Variants in MGMT observed in about 807,000 individuals in gnomAD.
MGMT encodes the protein methylated-DNA--protein-cysteine methyltransferase.
A neutral mutation model predicts 15.9 loss-of-function variants in MGMT; 14 were observed. The ratio of observed to expected loss-of-function variants is 0.88; its 90% CI spans 0.58 to 1.37. The LOEUF is 1.37. Among genes scored for constraint, MGMT ranks in the 40% most tolerant of loss-of-function variants. MGMT has a pLI of 0.00. For missense variants in MGMT, 282 were observed against 268.1 expected (o/e 1.05, Z -0.36); for synonymous variants, 130 against 118.2 (o/e 1.10, Z -0.65).
chr10:129,668,178 C>G (rs1303803252), intron 2 of MGMT, among the ~76,000 whole-genome samples: 1 of 151,920 alleles, frequency 6.6e-6, no homozygotes, highest in Non-Finnish European at 1.5e-5. Context: ...ACATATTCTC[C>G]TATGTTTTAT....
At chr10:129,756,941 C>G (rs1477606889) in intron 3 of MGMT, among the ~76,000 whole-genome samples, 1 of 152,214 alleles carries the variant, frequency 6.6e-6, no homozygotes, top group Non-Finnish European at 1.5e-5. Flanking sequence ...GCAAGGATTG[C>G]CCTTCTTCAA....
chr10:129,531,209 GTCTT>G (rs1157884997), intron 1 of MGMT, among the ~76,000 whole-genome samples: 1 of 152,140 alleles, frequency 6.6e-6, no homozygotes, highest in Non-Finnish European at 1.5e-5. Context: ...GGAGTCAGAC[GTCTT>G]TCTTCCTGGG....
At chr10:129,737,065 T>C (rs1435117104) in intron 3 of MGMT, among the ~76,000 whole-genome samples, 4 of 151,984 alleles carry the variant, frequency 2.6e-5, no homozygotes, top group Non-Finnish European at 5.9e-5. Flanking sequence ...AGGAGTATCT[T>C]TGTGGCATTC....
At chr10:129,682,723 T>TG (rs1420727161) in intron 2 of MGMT, among the ~76,000 whole-genome samples, 1 of 152,220 alleles carries the variant, frequency 6.6e-6, no homozygotes, top group Admixed American at 6.5e-5. Context: ...TTCCTGGTTT[T>TG]GGTAACGCAT....
chr10:129,632,452 A>C (rs1269391264), intron 2 of MGMT, among the ~76,000 whole-genome samples: 2 of 150,072 alleles, frequency 1.3e-5, no homozygotes, highest in Non-Finnish European at 3.0e-5. Flanking sequence ...GGGTATTTTC[A>C]CGTGAGACTT....
At chr10:129,685,606 A>G (rs1481928937) in intron 2 of MGMT, among the ~76,000 whole-genome samples, 1 of 152,228 alleles carries the variant, frequency 6.6e-6, no homozygotes, top group South Asian at 2.1e-4. Flanking sequence ...TAAATGATAC[A>G]TAACAGGAAC....
At chr10:129,548,902 A>G (rs935543591) in intron 2 of MGMT, among the ~76,000 whole-genome samples, 40 of 152,186 alleles carry the variant, frequency 2.6e-4, no homozygotes, top group African/African-American at 9.7e-4. Context: ...GGAAGGCGTG[A>G]AGATGGGCTG....
chr10:129,503,505 A>G (rs1311835362), intron 1 of MGMT, among the ~76,000 whole-genome samples: 1 of 152,216 alleles, frequency 6.6e-6, no homozygotes, highest in African/African-American at 2.4e-5. Context: ...GTGGTGTTGC[A>G]ATAAGGGAGG....
At chr10:129,653,425 T>C (rs1018290005) in intron 2 of MGMT, among the ~76,000 whole-genome samples, 4 of 152,258 alleles carry the variant, frequency 2.6e-5, no homozygotes, top group African/African-American at 9.6e-5. Context: ...TGAAACCATT[T>C]GAGGTGATCC....
intron 2 of MGMT, among the ~76,000 whole-genome samples, chr10:129,663,836 A>C (rs1419970645): frequency 1.3e-5 from 2 of 152,208 alleles, no homozygotes; most frequent in African/African-American, 2.4e-5. Flanking sequence ...CTACCTCACA[A>C]AATGGGTCTG....
intron 2 of MGMT, among the ~76,000 whole-genome samples, chr10:129,632,463 C>T (rs79437347): frequency 0.019 from 2,690 of 141,820 alleles, 93 homozygotes; most frequent in African/African-American, 0.066. Context: ...CGTGAGACTT[C>T]GCCAGTACGG....
chr10:129,529,986 G>A (rs1348499188), intron 1 of MGMT, among the ~76,000 whole-genome samples: 3 of 151,802 alleles, frequency 2.0e-5, no homozygotes, highest in Non-Finnish European at 2.9e-5. Context: ...CTGCAGCCTC[G>A]ACCTCCTGGG....
At chr10:129,504,655 A>T (rs555135504) in intron 1 of MGMT, among the ~76,000 whole-genome samples, 1 of 152,314 alleles carries the variant, frequency 6.6e-6, no homozygotes, top group African/African-American at 2.4e-5. Flanking sequence ...AGGACTAGAG[A>T]GGATGCCCTC....
At chr10:129,660,384 G>C (rs1413963252) in intron 2 of MGMT, among the ~76,000 whole-genome samples, 1 of 152,042 alleles carries the variant, frequency 6.6e-6, no homozygotes, top group East Asian at 1.9e-4. Context: ...TAAGGTGTGG[G>C]GGAGCACCTT....
chr10:129,556,005 G>T lies in MGMT; in HGVS notation c.125+19628G>T, dbSNP rs566812950. On this transcript the variant is annotated intron_variant, in intron 2 of 4. Transcript: ENST00000651593. The surrounding 1 kb of genome is among the most constrained non-coding windows in gnomAD (Gnocchi z 4.3). ...GCACCCTCCAGGGAGCTGTCGAGGG[G>T]CTCTTCTGCCTCTTCAGAAACCATC... Among the ~76,000 whole-genome samples the T allele has an allele frequency of 6.6e-6, 1 of 152,150 alleles. No homozygotes were observed. Among genetic ancestry groups the T allele is most frequent in the African/African-American group, 2.4e-5 (1 of 41,438 alleles).
At position 129,532,882 on chromosome 10, in the gene MGMT, C is replaced by T. The variant is rs969297930; in HGVS notation, c.-12-3359C>T. ...ACCAGCCCCCACATGGGGCACTCCC[C>T]AGTCCGAATGTCTGCAGTGCAGCTT... On this transcript the variant is annotated intron_variant, in intron 1 of 4. Coordinates refer to ENST00000651593, the MANE Select transcript of MGMT (RefSeq NM_002412.5). This position sits in a 1 kb window ranked among gnomAD's most constrained non-coding sequence, Gnocchi z 5.3. 7.2e-5 allele frequency among the ~76,000 whole-genome samples: 11 copies of T among 152,336 alleles called. No homozygotes were observed. Among genetic ancestry groups the T allele is most frequent in the African/African-American group, 2.4e-4 (10 of 41,586 alleles).
At chr10:129,503,091 C>T (rs764839672) in intron 1 of MGMT, among the ~76,000 whole-genome samples, 2 of 149,220 alleles carry the variant, frequency 1.3e-5, no homozygotes, top group African/African-American at 2.5e-5. Flanking sequence ...TTAATGGTTT[C>T]GCCCACACTG....
At chr10:129,585,328 C>T (rs1272269287) in intron 2 of MGMT, among the ~76,000 whole-genome samples, 1 of 152,154 alleles carries the variant, frequency 6.6e-6, no homozygotes, top group Non-Finnish European at 1.5e-5. Flanking sequence ...TTTTGTCAAA[C>T]AATAGCATTA....
At chr10:129,584,596 C>T (rs961410178) in intron 2 of MGMT, among the ~76,000 whole-genome samples, 4 of 152,114 alleles carry the variant, frequency 2.6e-5, no homozygotes, top group Admixed American at 6.5e-5. Context: ...CCCTCTTCCC[C>T]ACTGCCCCTG....
Sources: gnomAD v4.1 joint callset for allele counts (sites outside exome capture counted in the v4.1 genomes callset) on GRCh38, gnomAD v4.1.1 for gene constraint, Gnocchi (gnomAD v3.1) non-coding constraint, MANE v1.5 for transcripts, NCBI Gene and HGNC (gene_info 2026-07-23, HGNC 2026-07-21) for gene names.